The following RBM15 variants were observed in gnomAD, a reference collection of about 807,000 sequenced individuals.
The protein encoded by RBM15 is RNA binding motif protein 15, also known as RNA-binding protein 15.
RBM15 carries 8 observed loss-of-function variants against 62.6 expected under a neutral mutation model. The ratio of observed to expected loss-of-function variants is 0.13; its 90% CI spans 0.07 to 0.23. The LOEUF is 0.23. Among genes scored for constraint, RBM15 ranks in the 10% least tolerant of loss-of-function variants. The pLI, the probability that RBM15 is intolerant of heterozygous loss-of-function variation, is 1.00. For synonymous variants in RBM15, 606 were observed against 505.7 expected (o/e 1.20, Z -2.66); for missense variants, 1,144 against 1,286.5 (o/e 0.89, Z 1.69).
rs530607181 is a variant in RBM15 at position 110,339,812 on chromosome 1, G to A, written c.407G>A (p.Gly136Asp). ...TCCCCGAGCACCAAAAATTCTTCGG[G>A]CGGGGGCGAATCGCGCAGCAGCTCC... The part of the protein sequence containing the change: ...YSSPSTKNSS[G>D]GGESRSSSRG... Residue 136 changes from glycine to aspartate, a missense_variant, in exon 1 of 3, where the codon GGC becomes GAC. Transcript: ENST00000369784. 6.3e-7 allele frequency: 1 copy of A among 1,599,966 alleles called. No homozygotes were observed. Among genetic ancestry groups the A allele is most frequent in the Non-Finnish European group, 8.6e-7 (1 of 1,169,316 alleles).
chr1:110,345,683 G>T, intron 2 of RBM15, 34 bp downstream of exon 2: 1 of 1,273,982 alleles, frequency 7.8e-7, no homozygotes, highest in Non-Finnish European at 1.1e-6. Flanking sequence ...TGAATGAAGA[G>T]TTTTATATGT....
chr1:110,344,680 A>T (rs774329431), intron 1 of RBM15, among the ~76,000 whole-genome samples: 4 of 152,230 alleles, frequency 2.6e-5, no homozygotes, highest in Non-Finnish European at 4.4e-5. Flanking sequence ...CATAATATCC[A>T]TAAAGTATCT....
At position 110,341,497 on chromosome 1, in the gene RBM15, A is replaced by G; in HGVS notation, c.2092A>G (p.Arg698Gly). 2 of 1,614,092 alleles carry G rather than the reference A, an allele frequency of 1.2e-6. No homozygotes were observed. The highest frequency in any genetic ancestry group is 1.7e-6 in the Non-Finnish European group (2 of 1,180,018). ...TCGATCTTCCCGTCTTCTCTTGGAA[A>G]GGCCCTCTCCAATCAGAGACAGACG... ...NDRSSRLLLE[R>G]PSPIRDRRGS... Residue 698 changes from arginine (R) to glycine (G), a missense_variant, in exon 1 of 3, where the codon AGG becomes GGG. By Grantham distance (125) the Arg-to-Gly change is moderately radical. Transcript: ENST00000369784. This position sits in a 1 kb window ranked among gnomAD's most constrained non-coding sequence, Gnocchi z 4.5.
Position 110,342,146 on chromosome 1 carries a change from A to G in RBM15, c.2741A>G (p.Lys914Arg), listed in dbSNP as rs759011847. The G allele has an allele frequency of 5.1e-5, 83 of 1,614,132 alleles. No homozygotes were observed. The East Asian group carries it at 1.2e-3, about 23-fold the overall frequency. ...CTCCCTGTGGGGGGCAACAAAGACAAGGAAAACACCGGGGTCCTTCATGCC... is the reference window on the plus strand; with the variant it reads ...CTCCCTGTGGGGGGCAACAAAGACAGGGAAAACACCGGGGTCCTTCATGCC... ...ISLPVGGNKD[K>R]ENTGVLHAFP... Residue 914 changes from lysine to arginine, a missense_variant, in exon 1 of 3, where the codon AAG (lysine) becomes AGG (arginine). Physicochemically the swap from Lys to Arg is conservative, Grantham distance 26. Transcript: ENST00000369784.
chr1:110,341,316 C>A lies in RBM15; in HGVS notation c.1911C>A (p.Asp637Glu). ...ATCGAGATCTGCCCAGCAGCAGAGA[C>A]CAGCCTAGGAAGCGAAGGCTGCCTG... ...RGDRDLPSSR[D>E]QPRKRRLPEE... The change falls in exon 1 of 3, where the codon GAC becomes GAA. Residue 637 changes from aspartate to glutamate, a missense_variant. Coordinates refer to ENST00000369784, the MANE Select transcript of RBM15 (RefSeq NM_022768.5). The surrounding 1 kb of genome is among the most constrained non-coding windows in gnomAD (Gnocchi z 4.5). The A allele has an allele frequency of 6.2e-7, 1 of 1,614,068 alleles. No individual in the cohort carries two copies. Among genetic ancestry groups the A allele is most frequent in the Non-Finnish European group, 8.5e-7 (1 of 1,180,004 alleles).
chr1:110,341,671 A>C lies in RBM15; in HGVS notation c.2266A>C (p.Thr756Pro). The C allele has an allele frequency of 1.2e-6, 2 of 1,614,146 alleles. No homozygotes were observed. Among genetic ancestry groups the C allele is most frequent in the Non-Finnish European group, 1.7e-6 (2 of 1,180,028 alleles). ...CCGCTCTGATGGGAGTGCACCTAGC[A>C]CCAGCACTGCTTCCTCCAAGCTGAA... The part of the protein sequence containing the change: ...EDRSDGSAPS[T>P]STASSKLKSP... Residue 756 changes from threonine to proline, a missense_variant, in exon 1 of 3, where the codon ACC becomes CCC. Thr to Pro is a conservative substitution (Grantham distance 38). Coordinates refer to ENST00000369784, the MANE Select transcript of RBM15 (RefSeq NM_022768.5). This position sits in a 1 kb window ranked among gnomAD's most constrained non-coding sequence, Gnocchi z 4.5.
rs761033295 is a variant in RBM15 at position 110,341,892 on chromosome 1, C to G, written c.2487C>G (p.Leu829=). 32 of 1,614,108 alleles carry G rather than the reference C, an allele frequency of 2.0e-5. No individual in the cohort carries two copies. Among genetic ancestry groups the G allele is most frequent in the South Asian group, 6.6e-5 (6 of 91,086 alleles). The part of the protein sequence containing the change: ...EGSTGGKVAQ[L]KITQRLRLDQ... ...CAACTGGAGGCAAAGTGGCCCAGCT[C>G]AAGATCACTCAGCGTCTCCGTTTGG... The change falls in exon 1 of 3, where the codon CTC becomes CTG. Residue 829 remains leucine (L), a synonymous_variant. Coordinates refer to ENST00000369784, the MANE Select transcript of RBM15 (RefSeq NM_022768.5). The surrounding 1 kb of genome is among the most constrained non-coding windows in gnomAD (Gnocchi z 4.5).
In RBM15 at chr1:110,340,277, G is replaced by A; in HGVS notation, c.872G>A (p.Arg291Lys). The A allele has an allele frequency of 6.2e-7, 1 of 1,614,256 alleles. No homozygotes were observed. The highest frequency in any genetic ancestry group is 8.5e-7 in the Non-Finnish European group (1 of 1,180,042). The change falls in exon 1 of 3, where the codon AGA becomes AAA. Residue 291 changes from arginine (R) to lysine (K), a missense_variant. Coordinates refer to ENST00000369784, the MANE Select transcript of RBM15 (RefSeq NM_022768.5). This position sits in a 1 kb window ranked among gnomAD's most constrained non-coding sequence, Gnocchi z 5.8. ...CCCCCTGGAGGTGGTGGAGGCCAGA[G>A]ATCACTTTCCCCTGGTGGCGCTGCT... ...RHPPGGGGGQ[R>K]SLSPGGAALG...
intron 1 of RBM15, among the ~76,000 whole-genome samples, chr1:110,344,063 T>C (rs1426555439): frequency 1.3e-5 from 2 of 152,218 alleles, no homozygotes; most frequent in Non-Finnish European, 2.9e-5. Context: ...TTCTAGGCTA[T>C]GAGCATGAAG....
Position 110,341,877 on chromosome 1 carries a change from C to G in RBM15, c.2472C>G (p.Gly824=), listed in dbSNP as rs900563634. The G allele has an allele frequency of 1.2e-6, 2 of 1,614,086 alleles. No individual in the cohort carries two copies. The highest frequency in any genetic ancestry group is 1.7e-6 in the Non-Finnish European group (2 of 1,180,044). ...SSLLVEGSTG[G]KVAQLKITQR... is the part of the protein sequence containing the mutation. ...TTCTTGTGGAGGGTTCAACTGGAGG[C>G]AAAGTGGCCCAGCTCAAGATCACTC... The change falls in exon 1 of 3, where the codon GGC becomes GGG. Residue 824 remains glycine, a synonymous_variant. Transcript: ENST00000369784. This position sits in a 1 kb window ranked among gnomAD's most constrained non-coding sequence, Gnocchi z 4.5.
In RBM15 at chr1:110,341,600, G is replaced by A. The variant is rs533597691; in HGVS notation, c.2195G>A (p.Arg732Gln). Residue 732 changes from arginine (R) to glutamine (Q), a missense_variant, in exon 1 of 3, where the codon CGG becomes CAG. Physicochemically the swap from Arg to Gln is conservative, Grantham distance 43. Coordinates refer to ENST00000369784, the MANE Select transcript of RBM15 (RefSeq NM_022768.5). This position sits in a 1 kb window ranked among gnomAD's most constrained non-coding sequence, Gnocchi z 4.5. ...TCAGCTGAACGAGATAGGAAGCACC[G>A]GACAACTGCTCCCACTGAGGGAAAA... The part of the protein sequence containing the change: ...SASAERDRKH[R>Q]TTAPTEGKSP... 1.9e-6 allele frequency: 3 copies of A among 1,614,114 alleles called. No homozygotes were observed. The highest frequency in any genetic ancestry group is 1.7e-5 in the Admixed American group (1 of 60,014).
In RBM15 at chr1:110,341,096, C is replaced by G; in HGVS notation, c.1691C>G (p.Ala564Gly). The G allele has an allele frequency of 6.2e-7, 1 of 1,614,162 alleles. No individual in the cohort carries two copies. The highest frequency in any genetic ancestry group is 8.5e-7 in the Non-Finnish European group (1 of 1,180,040). Reference sequence around the variant, plus strand: ...CGGGCACCAGACCCTTTGAGGGGTGCTCGGGATAGGACACCACCCTTACTA... The same window carrying G: ...CGGGCACCAGACCCTTTGAGGGGTGGTCGGGATAGGACACCACCCTTACTA... ...GHRAPDPLRGARDRTPPLLYR... is the reference protein window; with the variant it reads ...GHRAPDPLRGGRDRTPPLLYR... The change falls in exon 1 of 3, where the codon GCT becomes GGT. Residue 564 changes from alanine to glycine, a missense_variant. Physicochemically the swap from Ala to Gly is moderately conservative, Grantham distance 60 (BLOSUM62 0). This residue lies in a region of RBM15 where 360 missense variants were observed against 342.9 expected (regional missense o/e 1.05). Coordinates refer to ENST00000369784, the MANE Select transcript of RBM15 (RefSeq NM_022768.5). This position sits in a 1 kb window ranked among gnomAD's most constrained non-coding sequence, Gnocchi z 4.5.
rs1281743138 is a variant in RBM15 at position 110,339,596 on chromosome 1, C to T, written c.191C>T (p.Ser64Leu). The T allele has an allele frequency of 6.2e-7, 1 of 1,608,948 alleles. No individual in the cohort carries two copies. Among genetic ancestry groups the T allele is most frequent in the East Asian group, 2.2e-5 (1 of 44,710 alleles). ...AAACGCTCCCGTGGTGGTGAGGACT[C>T]GACTTCCCGCGGTGAGCGGAGCAAG... ...KAKRSRGGED[S>L]TSRGERSKKL... is the part of the protein sequence containing the mutation. Residue 64 changes from serine to leucine, a missense_variant, in exon 1 of 3, where the codon TCG becomes TTG. This residue lies in a region of RBM15 where 298 missense variants were observed against 250.0 expected (regional missense o/e 1.19). Transcript: ENST00000369784.
At chr1:110,344,938 T>A (rs1295330462) in intron 1 of RBM15, among the ~76,000 whole-genome samples, 5 of 152,232 alleles carry the variant, frequency 3.3e-5, no homozygotes, top group African/African-American at 1.2e-4. Context: ...ATAAGACTTT[T>A]AGATCACAGC....
Position 110,346,293 on chromosome 1 carries a change from C to A in RBM15, c.*41-15C>A, listed in dbSNP as rs992683586. On this transcript the variant is annotated splice_polypyrimidine_tract_variant and intron_variant, in intron 2 of 2. Transcript: ENST00000369784. ...CATTTGTACTGAATAACCTTTTTTT[C>A]CCCCCCTCCGCAAGCAAAACTGGTT... 6.3e-7 allele frequency: 1 copy of A among 1,587,784 alleles called. No individual in the cohort carries two copies. Among genetic ancestry groups the A allele is most frequent in the African/African-American group, 1.3e-5 (1 of 74,128 alleles).
At position 110,342,154 on chromosome 1, in the gene RBM15, A is replaced by G. The variant is rs1478965860; in HGVS notation, c.2749A>G (p.Thr917Ala). ...GGGGGGCAACAAAGACAAGGAAAACACCGGGGTCCTTCATGCCTTCCCACC... is the reference window on the plus strand; with the variant it reads ...GGGGGGCAACAAAGACAAGGAAAACGCCGGGGTCCTTCATGCCTTCCCACC... ...PVGGNKDKEN[T>A]GVLHAFPPCE... is the part of the protein sequence containing the mutation. Residue 917 changes from threonine (T) to alanine (A), a missense_variant, in exon 1 of 3, where the codon ACC becomes GCC. Coordinates refer to ENST00000369784, the MANE Select transcript of RBM15 (RefSeq NM_022768.5). The G allele has an allele frequency of 6.2e-7, 1 of 1,613,996 alleles. No homozygotes were observed. Among genetic ancestry groups the G allele is most frequent in the Admixed American group, 1.7e-5 (1 of 60,002 alleles).
chr1:110,341,702 C>T lies in RBM15; in HGVS notation c.2297C>T (p.Pro766Leu), dbSNP rs754527329. 2.5e-6 allele frequency: 4 copies of T among 1,614,172 alleles called. No individual in the cohort carries two copies. The highest frequency in any genetic ancestry group is 2.2e-5 in the East Asian group (1 of 44,872). The change falls in exon 1 of 3, where the codon CCG becomes CTG. Residue 766 changes from proline (P) to leucine (L), a missense_variant. By Grantham distance (98) the Pro-to-Leu change is moderately conservative (BLOSUM62 -3). Transcript: ENST00000369784. This position sits in a 1 kb window ranked among gnomAD's most constrained non-coding sequence, Gnocchi z 4.5. ...ACTGCTTCCTCCAAGCTGAAGTCCC[C>T]GTCCCAGAAACAGGATGGGGGGACA... ...TSTASSKLKS[P>L]SQKQDGGTAP... is the part of the protein sequence containing the mutation.
chr1:110,341,438 G>T lies in RBM15; in HGVS notation c.2033G>T (p.Ser678Ile). The change falls in exon 1 of 3, where the codon AGC becomes ATC. Residue 678 changes from serine (S) to isoleucine (I), a missense_variant. By Grantham distance (142) the Ser-to-Ile change is moderately radical. Transcript: ENST00000369784. This position sits in a 1 kb window ranked among gnomAD's most constrained non-coding sequence, Gnocchi z 4.5. The stretch of plus-strand genomic sequence containing the variant: ...TCTCCTGACCGCAGTCCAGAATTGA[G>T]CAGTAGCCGGGATCGTTACAACAGC... ...APSPDRSPEL[S>I]SSRDRYNSDN... 1 of 1,614,174 alleles carries T rather than the reference G, an allele frequency of 6.2e-7. No homozygotes were observed. The highest frequency in any genetic ancestry group is 2.2e-5 in the East Asian group (1 of 44,874).
rs968053304 is a variant in RBM15, at chr1:110,339,627, A to G, written c.222A>G (p.Leu74=). ...STSRGERSKK[L]GGSGGSNGSS... ...CCCGCGGTGAGCGGAGCAAGAAGTT[A>G]GGGGGCTCTGGTGGCAGCAATGGGA... Residue 74 remains leucine, a synonymous_variant, in exon 1 of 3, where the codon TTA becomes TTG. Transcript: ENST00000369784. 2 of 1,613,146 alleles carry G rather than the reference A, an allele frequency of 1.2e-6. No homozygotes were observed. Among genetic ancestry groups the G allele is most frequent in the South Asian group, 2.2e-5 (2 of 91,066 alleles).
Sources: allele counts gnomAD v4.1 joint callset (sites outside exome capture counted in the v4.1 genomes callset), GRCh38; gene constraint gnomAD v4.1.1; regional missense constraint gnomAD v4.1.1; non-coding constraint Gnocchi (gnomAD v3.1); transcripts MANE v1.5; gene names NCBI Gene and HGNC (gene_info 2026-07-23, HGNC 2026-07-21).